PPARGC1B: variants seen among roughly 807,000 people sequenced by gnomAD.
PPARGC1B encodes the protein peroxisome proliferator-activated receptor gamma coactivator 1-beta.
Under a neutral mutation model 101.6 loss-of-function variants are expected in PPARGC1B, and 34 were observed. The ratio of observed to expected loss-of-function variants is 0.33; its 90% CI spans 0.25 to 0.45. The LOEUF is 0.45. PPARGC1B is among the 20% of genes least tolerant of loss of function. The probability of loss-of-function intolerance (pLI) is 1.00; values close to 1 mark genes in which losing one functional copy is unlikely to be tolerated. For missense variants in PPARGC1B, 1,234 were observed against 1,317.6 expected (o/e 0.94, Z 0.98); for synonymous variants, 548 against 539.3 (o/e 1.02, Z -0.22).
intron 1 of PPARGC1B, among the ~76,000 whole-genome samples, chr5:149,734,256 A>G (rs1754607448): frequency 7.5e-6 from 1 of 133,622 alleles, no homozygotes; most frequent in South Asian, 2.6e-4. Flanking sequence ...CGGGAGGCGG[A>G]GGTTGCAGTG....
chr5:149,817,190 C>T (rs534255576), intron 1 of PPARGC1B, among the ~76,000 whole-genome samples: 1 of 152,316 alleles, frequency 6.6e-6, no homozygotes, highest in South Asian at 2.1e-4. Flanking sequence ...TTTTTCCTGA[C>T]ATTCCATCTG....
chr5:149,835,487 G>T (rs770809839), intron 7 of PPARGC1B, 122 bp downstream of exon 7: 3 of 844,624 alleles, frequency 3.6e-6, no homozygotes, highest in Non-Finnish European at 5.9e-6. Flanking sequence ...CTGCCTTCAC[G>T]GGGCTTATGT....
chr5:149,833,404 A>G lies in PPARGC1B; in HGVS notation c.1331A>G (p.Glu444Gly), dbSNP rs571737107. The change falls in exon 5 of 12, where the codon GAA becomes GGA. Residue 444 changes from glutamate to glycine, a missense_variant. By Grantham distance (98) the Glu-to-Gly change is moderately conservative. Coordinates refer to ENST00000309241, the MANE Select transcript of PPARGC1B (RefSeq NM_133263.4). This position sits in a 1 kb window ranked among gnomAD's most constrained non-coding sequence, Gnocchi z 4.1. Reference protein sequence around the residue: ...EEEEEEEEEEEKEEEEEWGRK... With the variant: ...EEEEEEEEEEGKEEEEEWGRK... The stretch of plus-strand genomic sequence containing the variant: ...GAAGAGGAGGAGGAAGAGGAAGAAG[A>G]AAAAGAGGAGGAGGAGGAGTGGGGC... The G allele has an allele frequency of 1.2e-6, 2 of 1,606,648 alleles. No individual in the cohort carries two copies. Among genetic ancestry groups the G allele is most frequent in the Admixed American group, 3.4e-5 (2 of 58,572 alleles).
At chr5:149,789,929 A>AT (rs1756952604) in intron 1 of PPARGC1B, among the ~76,000 whole-genome samples, 1 of 152,128 alleles carries the variant, frequency 6.6e-6, no homozygotes, top group African/African-American at 2.4e-5. Context: ...CTTTTCCAAG[A>AT]CCTTGTGGGA....
chr5:149,856,010 G>A (rs986508488), downstream of PPARGC1B, among the ~76,000 whole-genome samples: 3 of 152,080 alleles, frequency 2.0e-5, no homozygotes, highest in East Asian at 1.9e-4. Flanking sequence ...CCAGCTACTC[G>A]GGAGGCTGAG....
At chr5:149,795,310 T>G (rs1190065809) in intron 1 of PPARGC1B, among the ~76,000 whole-genome samples, 2 of 152,190 alleles carry the variant, frequency 1.3e-5, no homozygotes, top group Non-Finnish European at 2.9e-5. Context: ...GCCTCAAGTT[T>G]CCTCACCTGT....
At chr5:149,768,420 A>G (rs921911732) in intron 1 of PPARGC1B, among the ~76,000 whole-genome samples, 10 of 149,546 alleles carry the variant, frequency 6.7e-5, no homozygotes, top group Non-Finnish European at 1.5e-4. Flanking sequence ...GACTATAGGC[A>G]CGTGCCACCA....
chr5:149,788,096 G>A (rs968806603), intron 1 of PPARGC1B, among the ~76,000 whole-genome samples: 1 of 152,212 alleles, frequency 6.6e-6, no homozygotes, highest in Non-Finnish European at 1.5e-5. Flanking sequence ...GAACTAAAGA[G>A]CTTCTGCACA....
rs11371560 is a variant in PPARGC1B at position 149,799,693 on chromosome 5, G to GTTTTTTTTTTTTTTTTT, written c.79-20735_79-20719dup. ...TTTGTTTGTTTGTTTGCTTGTTGTT[G>GTTTTTTTTTTTTTTTTT]TTTTTTTTTTTTTTTTTTTTTGAGA... is the stretch of plus-strand genomic sequence containing the variant. On this transcript the variant is annotated intron_variant, in intron 1 of 11. Transcript: ENST00000309241. 4.7e-4 allele frequency among the ~76,000 whole-genome samples: 36 copies of GTTTTTTTTTTTTTTTTT among 76,462 alleles called. 2 individuals are homozygous for GTTTTTTTTTTTTTTTTT. The highest frequency in any genetic ancestry group is 5.7e-4 in the South Asian group (1 of 1,760). The allele number at this position is 76,462 out of a possible 152,430, so 50.2% of individuals were successfully genotyped here. A position where few individuals can be genotyped will look rare whatever the true frequency, so the allele number is the denominator to read the frequency against.
intron 1 of PPARGC1B, among the ~76,000 whole-genome samples, chr5:149,794,436 T>A: frequency 6.7e-6 from 1 of 148,972 alleles, no homozygotes. Context: ...GCAGCAGAGC[T>A]CACTCTCAGA....
rs1759127180 is a variant in PPARGC1B, at chr5:149,837,058, C to G, written c.2603C>G (p.Thr868Ser). 1 of 1,612,646 alleles carries G rather than the reference C, an allele frequency of 6.2e-7. No homozygotes were observed. The highest frequency in any genetic ancestry group is 8.5e-7 in the Non-Finnish European group (1 of 1,179,590). The stretch of plus-strand genomic sequence containing the variant: ...CCCTGCCACTCCTGGTCACCAGCCA[C>G]TCGAAGGAACTTCAGGTATGAACAG... ...SSPCHSWSPATRRNFRCESRG... is the reference protein window; with the variant it reads ...SSPCHSWSPASRRNFRCESRG... Residue 868 changes from threonine (T) to serine (S), a missense_variant, in exon 8 of 12, where the codon ACT becomes AGT. By Grantham distance (58) the Thr-to-Ser change is moderately conservative (BLOSUM62 1). Around this residue, in one of 3 missense-constraint regions of PPARGC1B, gnomAD observed 497 missense variants for 529.5 expected, o/e 0.94. Transcript: ENST00000309241. The surrounding 1 kb of genome is among the most constrained non-coding windows in gnomAD (Gnocchi z 4.2).
chr5:149,795,299 C>T (rs967998758), intron 1 of PPARGC1B, among the ~76,000 whole-genome samples: 13 of 152,134 alleles, frequency 8.5e-5, no homozygotes, highest in East Asian at 1.9e-4. Flanking sequence ...AACCTCCCTG[C>T]GCCTCAAGTT....
chr5:149,736,911 T>A (rs574025549), intron 1 of PPARGC1B, among the ~76,000 whole-genome samples: 1 of 152,294 alleles, frequency 6.6e-6, no homozygotes, highest in Non-Finnish European at 1.5e-5. Flanking sequence ...TTATAATTGA[T>A]GAACCTACAT....
At chr5:149,816,467 A>G (rs1280566462) in intron 1 of PPARGC1B, among the ~76,000 whole-genome samples, 1 of 152,204 alleles carries the variant, frequency 6.6e-6, no homozygotes, top group African/African-American at 2.4e-5. Flanking sequence ...TAGTTCTATG[A>G]AGTTCTAAAA....
At chr5:149,838,145 A>G (rs1372885804) in intron 8 of PPARGC1B, among the ~76,000 whole-genome samples, 1 of 152,230 alleles carries the variant, frequency 6.6e-6, no homozygotes, top group Non-Finnish European at 1.5e-5. Flanking sequence ...AATAAAATGT[A>G]AAAAGACTTC....
chr5:149,788,138 A>C (rs1288176436), intron 1 of PPARGC1B, among the ~76,000 whole-genome samples: 1 of 152,366 alleles, frequency 6.6e-6, no homozygotes, highest in East Asian at 1.9e-4. Context: ...GTGAACAGGC[A>C]ACCTACAGAA....
intron 1 of PPARGC1B, among the ~76,000 whole-genome samples, chr5:149,766,759 G>T (rs11749217): frequency 0.078 from 11,908 of 152,244 alleles, 603 homozygotes; most frequent in African/African-American, 0.15. Context: ...GCAAATATGG[G>T]GTGATTATTA....
In PPARGC1B at chr5:149,820,482, A is replaced by T. The variant is rs143575024; in HGVS notation, c.128A>T (p.Asp43Val). Residue 43 changes from aspartate (D) to valine (V), a missense_variant, in exon 2 of 12, where the codon GAC (aspartate) becomes GTC (valine). Transcript: ENST00000309241. ...CTCTATGCTGACTTTCCAGAACTTG[A>T]CCTCTCCCAGCTGGATGCCAGCGAC... ...EQLYADFPEL[D>V]LSQLDASDFD... The T allele has an allele frequency of 1.8e-5, 29 of 1,613,288 alleles. No individual in the cohort carries two copies. The highest frequency in any genetic ancestry group is 2.1e-5 in the Non-Finnish European group (25 of 1,179,868).
intron 1 of PPARGC1B, among the ~76,000 whole-genome samples, chr5:149,744,781 G>A (rs1333231277): frequency 6.6e-6 from 1 of 152,164 alleles, no homozygotes; most frequent in Non-Finnish European, 1.5e-5. Context: ...GCTGCTTAAG[G>A]TAGCACAAAG....
Sources: gnomAD v4.1 joint callset for allele counts (sites outside exome capture counted in the v4.1 genomes callset) on GRCh38, gnomAD v4.1.1 for gene constraint, gnomAD v4.1.1 regional missense constraint, Gnocchi (gnomAD v3.1) non-coding constraint, MANE v1.5 for transcripts, NCBI Gene and HGNC (gene_info 2026-07-23, HGNC 2026-07-21) for gene names.